Variants in CMIP observed in about 807,000 individuals in gnomAD.
CMIP encodes C-Maf-inducing protein.
CMIP carries 13 observed loss-of-function variants against 97.3 expected under a neutral mutation model. That is an observed-to-expected ratio of 0.13 (90% CI 0.09 to 0.21). The LOEUF (loss-of-function observed/expected upper bound fraction) is 0.21, where lower values mean the gene tolerates loss of function less well. Ranked by LOEUF, CMIP falls within the 10% of genes least tolerant of loss-of-function variation. The pLI, the probability that CMIP is intolerant of heterozygous loss-of-function variation, is 1.00. For synonymous variants in CMIP, 538 were observed against 436.3 expected (o/e 1.23, Z -2.91); for missense variants, 847 against 1,024.9 (o/e 0.83, Z 2.37).
chr16:81,591,319 A>T (rs962003410), intron 1 of CMIP, among the ~76,000 whole-genome samples: 1 of 152,198 alleles, frequency 6.6e-6, no homozygotes, highest in African/African-American at 2.4e-5. Flanking sequence ...GACACCAGCT[A>T]AGGTGCCAGA....
chr16:81,504,299 C>T (rs1460270483), intron 1 of CMIP, among the ~76,000 whole-genome samples: 1 of 151,056 alleles, frequency 6.6e-6, no homozygotes, highest in Non-Finnish European at 1.5e-5. Flanking sequence ...GCACTTCAGC[C>T]TTGGTGATAG....
intron 1 of CMIP, among the ~76,000 whole-genome samples, chr16:81,485,948 T>G (rs914393569): frequency 6.6e-6 from 1 of 152,150 alleles, no homozygotes; most frequent in African/African-American, 2.4e-5. Context: ...AATGAGTCAC[T>G]CAGGCGCTGT....
intron 7 of CMIP, among the ~76,000 whole-genome samples, chr16:81,669,160 CCT>C (rs1446469695): frequency 1.7e-5 from 2 of 120,454 alleles, no homozygotes; most frequent in Non-Finnish European, 3.5e-5. Flanking sequence ...CTTCCACACC[CCT>C]CTCACCTCCT....
rs540705412 is a variant in CMIP at position 81,495,379 on chromosome 16, A to G, written c.300+49838A>G. On this transcript the variant is annotated intron_variant, in intron 1 of 20. Coordinates refer to ENST00000537098, the MANE Select transcript of CMIP (RefSeq NM_198390.3). Reference sequence around the variant, plus strand: ...CTTGGATGGGCTGGGCGTGCATGGCATAACCGTTTGAGAACAACAAACCAA... The same window carrying G: ...CTTGGATGGGCTGGGCGTGCATGGCGTAACCGTTTGAGAACAACAAACCAA... 3.3e-6 allele frequency: 5 copies of G among 1,534,572 alleles called. No individual in the cohort carries two copies. The South Asian group carries it at 3.7e-5, about 11-fold the overall frequency.
At chr16:81,454,801 G>A (rs1441765878) in intron 1 of CMIP, among the ~76,000 whole-genome samples, 1 of 152,204 alleles carries the variant, frequency 6.6e-6, no homozygotes, top group Non-Finnish European at 1.5e-5. Flanking sequence ...CGGAGGAAGA[G>A]ACGCCATCAT....
intron 9 of CMIP, among the ~76,000 whole-genome samples, chr16:81,674,115 G>A (rs568581531): frequency 1.3e-5 from 2 of 152,094 alleles, no homozygotes; most frequent in Non-Finnish European, 2.9e-5. Flanking sequence ...CTCAGGTCCC[G>A]ATGTTCAAAG....
At chr16:81,573,785 C>T (rs1487408877) in intron 1 of CMIP, among the ~76,000 whole-genome samples, 1 of 152,102 alleles carries the variant, frequency 6.6e-6, no homozygotes. Context: ...TAATGTGTAA[C>T]GTGTATTTGT....
chr16:81,699,906 G>C lies in CMIP; in HGVS notation c.1755+105G>C. ...CCAGGAGCTGCTGCAGGCACGGGGGGCAGTGGGTGAGGCGTGCAGTCCCAG... is the reference window on the plus strand; with the variant it reads ...CCAGGAGCTGCTGCAGGCACGGGGGCCAGTGGGTGAGGCGTGCAGTCCCAG... On this transcript the variant is annotated intron_variant, in intron 15 of 20. Transcript: ENST00000537098. The C allele has an allele frequency of 4.0e-6, 3 of 746,654 alleles. No homozygotes were observed. In the East Asian group the frequency reaches 8.3e-5, roughly 21 times the overall value. 46.3% of individuals were successfully genotyped at this position (746,654 alleles called of 1,614,324 possible). A position where few individuals can be genotyped will look rare whatever the true frequency, so the allele number is the denominator to read the frequency against.
chr16:81,621,254 G>A lies in CMIP; in HGVS notation c.477+328G>A. On this transcript the variant is annotated intron_variant, in intron 3 of 20. Coordinates refer to ENST00000537098, the MANE Select transcript of CMIP (RefSeq NM_198390.3). The surrounding 1 kb of genome is among the most constrained non-coding windows in gnomAD (Gnocchi z 4.1). ...CCAGCCGGGGAGGCTGGACTTCAGG[G>A]GCTCAAGATGCTTAGTTGAAAGTAA... 4.7e-6 allele frequency: 1 copy of A among 213,382 alleles called. No homozygotes were observed. Among genetic ancestry groups the A allele is most frequent in the Non-Finnish European group, 9.5e-6 (1 of 105,430 alleles). 13.2% of individuals were successfully genotyped at this position (213,382 alleles called of 1,614,324 possible). A position where few individuals can be genotyped will look rare whatever the true frequency, so the allele number is the denominator to read the frequency against.
At chr16:81,641,105 C>G (rs796123571) in intron 3 of CMIP, among the ~76,000 whole-genome samples, 6 of 152,264 alleles carry the variant, frequency 3.9e-5, no homozygotes, top group African/African-American at 1.4e-4. Context: ...TGCAGATTCC[C>G]AGGCCTCGCC....
chr16:81,566,615 C>G (rs1291579528), intron 1 of CMIP, among the ~76,000 whole-genome samples: 2 of 152,332 alleles, frequency 1.3e-5, no homozygotes, highest in East Asian at 3.9e-4. Flanking sequence ...GCATTCATTC[C>G]TGCTTCTCCT....
rs1182686937 is a variant in CMIP, at chr16:81,710,579, T to C, written c.*780T>C. On this transcript the variant is annotated 3_prime_UTR_variant, in exon 21 of 21. Coordinates refer to ENST00000537098, the MANE Select transcript of CMIP (RefSeq NM_198390.3). ...CCTCCTTGGAAAAATTAATTGCTTT[T>C]TCGTAATGGATTCTCTATGCTAATG... 3 of 152,304 alleles carry C rather than the reference T, an allele frequency of 2.0e-5. No homozygotes were observed. Among genetic ancestry groups the C allele is most frequent in the Non-Finnish European group, 2.9e-5 (2 of 67,998 alleles). The allele number at this position is 152,304 out of a possible 1,614,324, so 9.4% of individuals were successfully genotyped here.
Position 81,701,132 on chromosome 16 carries a change from A to T in CMIP, c.1756-528A>T, listed in dbSNP as rs78548771. 1.1e-4 allele frequency among the ~76,000 whole-genome samples: 16 copies of T among 151,818 alleles called. No homozygotes were observed. In the South Asian group the frequency reaches 3.3e-3, roughly 32 times the overall value. On this transcript the variant is annotated intron_variant, in intron 15 of 20. Transcript: ENST00000537098. ...AGACCTCATCTCAAAAAAAAAAAAAATCGTCATTGGAAAGGGAATGTCAGA... is the reference window on the plus strand; with the variant it reads ...AGACCTCATCTCAAAAAAAAAAAAATTCGTCATTGGAAAGGGAATGTCAGA...
intron 3 of CMIP, chr16:81,645,662 G>T (rs1224269019): frequency 6.6e-6 from 10 of 1,519,632 alleles, no homozygotes; most frequent in South Asian, 1.2e-5. Flanking sequence ...GACTCTGCCA[G>T]ACGGGAAGCA....
intron 1 of CMIP, among the ~76,000 whole-genome samples, chr16:81,523,632 C>G (rs915336512): frequency 6.6e-6 from 1 of 152,218 alleles, no homozygotes; most frequent in South Asian, 2.1e-4. Context: ...CAGCCAAACC[C>G]CCTTCCCGCG....
At chr16:81,573,212 C>T (rs1331069293) in intron 1 of CMIP, among the ~76,000 whole-genome samples, 5 of 152,134 alleles carry the variant, frequency 3.3e-5, no homozygotes, top group Admixed American at 6.5e-5. Context: ...GGCGTGGTGG[C>T]GGGCACCTGT....
intron 1 of CMIP, among the ~76,000 whole-genome samples, chr16:81,447,835 G>T (rs1017726294): frequency 6.6e-6 from 1 of 152,204 alleles, no homozygotes; most frequent in Non-Finnish European, 1.5e-5. Flanking sequence ...GGGCTGGCCT[G>T]GCTGGAGCGC....
At chr16:81,664,449 G>C in intron 7 of CMIP, 100 bp downstream of exon 7, 1 of 1,195,884 alleles carries the variant, frequency 8.4e-7, no homozygotes, top group Non-Finnish European at 1.2e-6. Flanking sequence ...GGGGAATGTG[G>C]TTGGCCCAGC....
intron 1 of CMIP, among the ~76,000 whole-genome samples, chr16:81,472,432 G>T (rs906135802): frequency 6.6e-6 from 1 of 152,188 alleles, no homozygotes. Context: ...CCTGTGTGTG[G>T]CGTGCCCCAT....
Sources: allele counts gnomAD v4.1 joint callset (sites outside exome capture counted in the v4.1 genomes callset), GRCh38; gene constraint gnomAD v4.1.1; non-coding constraint Gnocchi (gnomAD v3.1); transcripts MANE v1.5; gene names NCBI Gene and HGNC (gene_info 2026-07-23, HGNC 2026-07-21).